Variants in PPM1E observed in about 807,000 individuals in gnomAD.
PPM1E encodes protein phosphatase 1E.
A neutral mutation model predicts 65.9 loss-of-function variants in PPM1E; 20 were observed. The observed-to-expected ratio is 0.30, with a 90% CI of 0.21 to 0.44. The LOEUF is 0.44. Among genes scored for constraint, PPM1E ranks in the 20% least tolerant of loss-of-function variants. PPM1E has a pLI of 1.00. For synonymous variants in PPM1E, 352 were observed against 374.9 expected (o/e 0.94, Z 0.70); for missense variants, 713 against 953.1 (o/e 0.75, Z 3.32).
intron 2 of PPM1E, among the ~76,000 whole-genome samples, chr17:58,960,169 C>A (rs768595971): frequency 1.4e-4 from 21 of 152,322 alleles, no homozygotes; most frequent in Middle Eastern, 3.4e-3. Flanking sequence ...GCTGTACTTT[C>A]TTTCACTTTG....
At chr17:58,833,133 G>T (rs1206287069) in intron 1 of PPM1E, among the ~76,000 whole-genome samples, 1 of 151,590 alleles carries the variant, frequency 6.6e-6, no homozygotes, top group Non-Finnish European at 1.5e-5. Flanking sequence ...AATGTTTGGG[G>T]GATGTATGTA....
intron 2 of PPM1E, among the ~76,000 whole-genome samples, chr17:58,964,405 A>C (rs1442931371): frequency 6.6e-6 from 1 of 152,176 alleles, no homozygotes; most frequent in Non-Finnish European, 1.5e-5. Flanking sequence ...AGTATCATTC[A>C]GTGTTGCTTA....
chr17:58,971,131 C>CA (rs1297240261), intron 4 of PPM1E, among the ~76,000 whole-genome samples: 1 of 152,092 alleles, frequency 6.6e-6, no homozygotes, highest in East Asian at 1.9e-4. Context: ...GGGAAGAAAA[C>CA]AGCTATTCCT....
chr17:58,794,537 T>A (rs1436709839), intron 1 of PPM1E, among the ~76,000 whole-genome samples: 1 of 152,288 alleles, frequency 6.6e-6, no homozygotes, highest in East Asian at 1.9e-4. Flanking sequence ...ACCCAATAGG[T>A]AGTTTTTCAA....
rs531078387 is a variant in PPM1E, at chr17:58,910,063, C to T, written c.465-45586C>T. On this transcript the variant is annotated intron_variant, in intron 1 of 6. Transcript: ENST00000308249. Reference sequence around the variant, plus strand: ...GATTATAGGTGCCCGCCACCACACCCAGATAATTTTTGTATTTTTGGTAGA... The same window carrying T: ...GATTATAGGTGCCCGCCACCACACCTAGATAATTTTTGTATTTTTGGTAGA... Among the ~76,000 whole-genome samples the T allele has an allele frequency of 3.3e-5, 5 of 151,632 alleles. No individual in the cohort carries two copies. In the East Asian group the frequency reaches 9.7e-4, roughly 29 times the overall value.
chr17:58,859,442 A>G (rs1029235586), intron 1 of PPM1E, among the ~76,000 whole-genome samples: 7 of 152,384 alleles, frequency 4.6e-5, no homozygotes, highest in Admixed American at 1.3e-4. Flanking sequence ...AGAAACCATC[A>G]TAGGTGAACT....
chr17:58,934,010 A>G (rs978229563), intron 1 of PPM1E, among the ~76,000 whole-genome samples: 1 of 150,932 alleles, frequency 6.6e-6, no homozygotes, highest in Middle Eastern at 3.2e-3. Flanking sequence ...CAGGAGAATC[A>G]AGTGCAACCA....
chr17:58,896,144 C>T (rs1017298051), intron 1 of PPM1E, among the ~76,000 whole-genome samples: 6 of 150,910 alleles, frequency 4.0e-5, no homozygotes, highest in South Asian at 2.1e-4. Flanking sequence ...AAAGAAAAAG[C>T]GAAACAGCCT....
chr17:58,932,388 G>A (rs991447689), intron 1 of PPM1E, among the ~76,000 whole-genome samples: 6 of 152,162 alleles, frequency 3.9e-5, no homozygotes, highest in Non-Finnish European at 8.8e-5. Flanking sequence ...AGAATCACTT[G>A]AACTCGGGAG....
chr17:58,916,415 A>T (rs1156679168), intron 1 of PPM1E, among the ~76,000 whole-genome samples: 2 of 152,184 alleles, frequency 1.3e-5, no homozygotes, highest in Non-Finnish European at 2.9e-5. Flanking sequence ...TTGCTTATGA[A>T]TTCCTGTCAG....
intron 1 of PPM1E, among the ~76,000 whole-genome samples, chr17:58,926,876 A>C (rs1440427527): frequency 6.6e-6 from 1 of 152,166 alleles, no homozygotes; most frequent in Non-Finnish European, 1.5e-5. Flanking sequence ...TAATATGTAA[A>C]TGTTATATAA....
intron 1 of PPM1E, among the ~76,000 whole-genome samples, chr17:58,801,605 A>G (rs1828901659): frequency 6.7e-6 from 1 of 149,070 alleles, no homozygotes; most frequent in African/African-American, 2.5e-5. Flanking sequence ...CCAGGCCTGG[A>G]TAATTTTTTC....
chr17:58,920,172 A>G (rs1199594292), intron 1 of PPM1E, among the ~76,000 whole-genome samples: 1 of 152,210 alleles, frequency 6.6e-6, no homozygotes, highest in Non-Finnish European at 1.5e-5. Context: ...TCATTTCTAA[A>G]AATGGAAAAT....
chr17:58,816,289 G>GC (rs1284959053), intron 1 of PPM1E, among the ~76,000 whole-genome samples: 1 of 152,128 alleles, frequency 6.6e-6, no homozygotes, highest in African/African-American at 2.4e-5. Flanking sequence ...CTCCCAAAGT[G>GC]CTGGGATTAC....
intron 1 of PPM1E, among the ~76,000 whole-genome samples, chr17:58,888,078 G>A (rs1430174804): frequency 6.6e-6 from 1 of 152,126 alleles, no homozygotes; most frequent in Non-Finnish European, 1.5e-5. Flanking sequence ...AGATGGAGAA[G>A]AGCAAGCTTA....
intron 1 of PPM1E, among the ~76,000 whole-genome samples, chr17:58,871,679 G>A (rs1290928278): frequency 6.6e-6 from 1 of 151,848 alleles, no homozygotes; most frequent in Non-Finnish European, 1.5e-5. Context: ...AGCCAGGTGT[G>A]GGGACGCACA....
At chr17:58,950,937 C>T (rs2052228970) in intron 1 of PPM1E, among the ~76,000 whole-genome samples, 1 of 152,004 alleles carries the variant, frequency 6.6e-6, no homozygotes, top group African/African-American at 2.4e-5. Context: ...CGCCACCATG[C>T]CTGGCTAATT....
At chr17:58,934,360 A>G (rs2051947601) in intron 1 of PPM1E, among the ~76,000 whole-genome samples, 1 of 152,226 alleles carries the variant, frequency 6.6e-6, no homozygotes, top group African/African-American at 2.4e-5. Context: ...GGTATTAATT[A>G]CAAATTATAT....
intron 1 of PPM1E, among the ~76,000 whole-genome samples, chr17:58,941,082 G>A (rs535269776): frequency 2.0e-4 from 31 of 152,212 alleles, no homozygotes; most frequent in Non-Finnish European, 4.1e-4. Context: ...AATTCATATA[G>A]GTAAAACATT....
Sources: allele counts gnomAD v4.1 joint callset (sites outside exome capture counted in the v4.1 genomes callset), GRCh38; gene constraint gnomAD v4.1.1; transcripts MANE v1.5; gene names NCBI Gene and HGNC (gene_info 2026-07-23, HGNC 2026-07-21).